The following IFRD1 variants were observed in gnomAD, a reference collection of about 807,000 sequenced individuals.
The protein encoded by IFRD1 is interferon-related developmental regulator 1.
Under a neutral mutation model 52.9 loss-of-function variants are expected in IFRD1, and 35 were observed. The ratio of observed to expected loss-of-function variants is 0.66; its 90% confidence interval spans 0.51 to 0.88. The LOEUF (loss-of-function observed/expected upper bound fraction) is 0.88. Among genes scored for constraint, IFRD1 ranks in the 40% least tolerant of loss-of-function variants. The probability of loss-of-function intolerance (pLI) is 0.00; values close to 1 mark genes in which losing one functional copy is unlikely to be tolerated. For synonymous variants in IFRD1, 184 were observed against 188.4 expected (o/e 0.98, Z 0.19); for missense variants, 517 against 550.8 (o/e 0.94, Z 0.61).
At chr7:112,444,177 A>G (rs188774712) in intron 1 of IFRD1, among the ~76,000 whole-genome samples, 161 of 152,332 alleles carry the variant, frequency 1.1e-3, no homozygotes, top group Non-Finnish European at 1.8e-3. Context: ...ACACAGTCTC[A>G]TATTTTATTA....
At chr7:112,436,250 T>C (rs1308351092) in intron 1 of IFRD1, among the ~76,000 whole-genome samples, 1 of 152,226 alleles carries the variant, frequency 6.6e-6, no homozygotes, top group Non-Finnish European at 1.5e-5. Context: ...TACTTTTCCT[T>C]AAAATTTTCT....
intron 9 of IFRD1, among the ~76,000 whole-genome samples, chr7:112,469,042 A>G (rs1795682971): frequency 6.6e-6 from 1 of 152,060 alleles, no homozygotes; most frequent in African/African-American, 2.4e-5. Flanking sequence ...GGCCAGGTAA[A>G]TATTTTTTGG....
intron 11 of IFRD1, among the ~76,000 whole-genome samples, chr7:112,473,760 T>G (rs577107230): frequency 1.3e-5 from 2 of 152,308 alleles, no homozygotes; most frequent in South Asian, 2.1e-4. Flanking sequence ...GTATTTTTTT[T>G]TGTGCTGAGA....
At chr7:112,471,955 A>G (rs1048225934) in intron 9 of IFRD1, among the ~76,000 whole-genome samples, 4 of 152,180 alleles carry the variant, frequency 2.6e-5, no homozygotes, top group Admixed American at 6.5e-5. Context: ...GTTGAAATTT[A>G]AAGGTATTCT....
At chr7:112,475,234 A>G (rs1174798185) in intron 11 of IFRD1, among the ~76,000 whole-genome samples, 196 bp from the exon 12 acceptor site, 1 of 152,186 alleles carries the variant, frequency 6.6e-6, no homozygotes, top group African/African-American at 2.4e-5. Context: ...CTGGGATTAC[A>G]GGTGTGAGCC....
In IFRD1 at chr7:112,462,383, GTATC is replaced by G. The variant is rs1250480873; in HGVS notation, c.906+8_906+11del. ...TTGGCCAGAGGAATAGAGAGTGTAA[GTATC>G]TAACTGGCAGAGGAAAAAGCTTGTG... On this transcript the variant is annotated splice_donor_region_variant and intron_variant, in intron 8 of 11. Coordinates refer to ENST00000403825, the MANE Select transcript of IFRD1 (RefSeq NM_001550.4). 6.4e-7 allele frequency: 1 copy of G among 1,565,732 alleles called. No homozygotes were observed. The highest frequency in any genetic ancestry group is 1.4e-5 in the African/African-American group (1 of 73,928).
chr7:112,436,510 A>G (rs1310438857), intron 1 of IFRD1, among the ~76,000 whole-genome samples: 1 of 152,084 alleles, frequency 6.6e-6, no homozygotes, highest in East Asian at 1.9e-4. Context: ...TTATTAATTC[A>G]ACAAATATTT....
chr7:112,468,329 G>GT (rs1171012860), intron 9 of IFRD1, among the ~76,000 whole-genome samples: 3 of 149,756 alleles, frequency 2.0e-5, no homozygotes, highest in Non-Finnish European at 3.0e-5. Context: ...CTTTATTTTA[G>GT]TTTTTTTTCT....
At chr7:112,425,267 T>C (rs986590381) in intron 1 of IFRD1, among the ~76,000 whole-genome samples, 1 of 152,170 alleles carries the variant, frequency 6.6e-6, no homozygotes, top group South Asian at 2.1e-4. Flanking sequence ...GAGGGAGGTG[T>C]AGATGGCAGG....
intron 1 of IFRD1, among the ~76,000 whole-genome samples, chr7:112,427,076 T>C (rs1794444222): frequency 6.6e-6 from 1 of 152,222 alleles, no homozygotes; most frequent in Non-Finnish European, 1.5e-5. Flanking sequence ...GTCCTTAACC[T>C]TGGCAAAATA....
Position 112,475,797 on chromosome 7 carries a change from A to G in IFRD1, c.*278A>G, listed in dbSNP as rs753117904. On this transcript the variant is annotated 3_prime_UTR_variant, in exon 12 of 12. Transcript: ENST00000403825. ...GACTGATTTCATGATGGGGAAAACA[A>G]TTAGCCAAAGTTTAATTTCTTACAC... is the stretch of plus-strand genomic sequence containing the variant. 8.6e-5 allele frequency: 31 copies of G among 360,000 alleles called. No individual in the cohort carries two copies. The highest frequency in any genetic ancestry group is 1.4e-4 in the Non-Finnish European group (27 of 197,766). 22.3% of individuals were successfully genotyped at this position (360,000 alleles called of 1,614,324 possible).
At chr7:112,434,370 G>C (rs1401176850) in intron 1 of IFRD1, among the ~76,000 whole-genome samples, 3 of 152,104 alleles carry the variant, frequency 2.0e-5, no homozygotes, top group African/African-American at 7.2e-5. Context: ...CAAAAGAAGG[G>C]CATTTAGGAG....
chr7:112,462,139 A>G lies in IFRD1; in HGVS notation c.757A>G (p.Thr253Ala). The G allele has an allele frequency of 6.2e-7, 1 of 1,613,846 alleles. No individual in the cohort carries two copies. Among genetic ancestry groups the G allele is most frequent in the Non-Finnish European group, 8.5e-7 (1 of 1,179,866 alleles). ...TCTTCTTGCATGGACACTACTGCTGACCATATGCCCAATCAATGAAGTGAA... is the reference window on the plus strand; with the variant it reads ...TCTTCTTGCATGGACACTACTGCTGGCCATATGCCCAATCAATGAAGTGAA... ...SSLLAWTLLL[T>A]ICPINEVKKK... Residue 253 changes from threonine to alanine, a missense_variant, in exon 7 of 12, where the codon ACC (threonine) becomes GCC (alanine). Physicochemically the swap from Thr to Ala is moderately conservative, Grantham distance 58. Coordinates refer to ENST00000403825, the MANE Select transcript of IFRD1 (RefSeq NM_001550.4).
chr7:112,425,474 C>T (rs964763957), intron 1 of IFRD1, among the ~76,000 whole-genome samples: 2 of 152,200 alleles, frequency 1.3e-5, no homozygotes, highest in African/African-American at 4.8e-5. Flanking sequence ...ACCTTTTCTC[C>T]TCCTGCCCTT....
intron 5 of IFRD1, among the ~76,000 whole-genome samples, chr7:112,459,989 T>G (rs949798892): frequency 6.6e-6 from 1 of 152,222 alleles, no homozygotes; most frequent in Admixed American, 6.5e-5. Context: ...TAACTTTTTC[T>G]TTTCTTCTTT....
chr7:112,472,690 T>G (rs1480932431), intron 10 of IFRD1, 76 bp from the exon 11 acceptor site: 1 of 937,392 alleles, frequency 1.1e-6, no homozygotes, highest in Non-Finnish European at 1.8e-6. Flanking sequence ...CTTCTGTTAA[T>G]CAGAGTCACT....
chr7:112,462,528 G>A (rs2117312075), intron 8 of IFRD1, 150 bp downstream of exon 8: 1 of 709,112 alleles, frequency 1.4e-6, no homozygotes, highest in Admixed American at 2.0e-5. Context: ...CAGTGGTGGT[G>A]TAATACTTTA....
chr7:112,472,495 A>G, intron 10 of IFRD1, 148 bp downstream of exon 10: 1 of 918,200 alleles, frequency 1.1e-6, no homozygotes. Flanking sequence ...AGTAGACTTG[A>G]ATAAATCTGA....
chr7:112,449,849 C>T, upstream of IFRD1, among the ~76,000 whole-genome samples: 1 of 139,976 alleles, frequency 7.1e-6, no homozygotes, highest in African/African-American at 2.7e-5. Context: ...GGATGGGGGG[C>T]ACATAACCCT....
Sources: gnomAD v4.1 joint callset for allele counts (sites outside exome capture counted in the v4.1 genomes callset) on GRCh38, gnomAD v4.1.1 for gene constraint, MANE v1.5 for transcripts, NCBI Gene and HGNC (gene_info 2026-07-23, HGNC 2026-07-21) for gene names.